Variants in TNFSF4 observed in about 807,000 individuals in gnomAD.
TNFSF4 encodes the protein tumor necrosis factor ligand superfamily member 4.
In TNFSF4, 4 loss-of-function variants were observed where a neutral mutation model predicts 7.3. The observed-to-expected ratio is 0.55, with a 90% CI of 0.27 to 1.25. TNFSF4 has a LOEUF of 1.25. Ranked by LOEUF, TNFSF4 falls within the 50% of genes most tolerant of loss-of-function variation. The pLI is 0.12. For synonymous variants in TNFSF4, 76 were observed against 83.7 expected (o/e 0.91, Z 0.50); for missense variants, 181 against 208.8 (o/e 0.87, Z 0.82).
At chr1:173,433,332 G>C in the TNFSF4 span, among the ~76,000 whole-genome samples, 1 of 152,086 alleles carries the variant, frequency 6.6e-6, no homozygotes, top group Non-Finnish European at 1.5e-5. Flanking sequence ...ATAGTCTTAA[G>C]GGTGGCAGCT....
At chr1:173,179,150 C>T (rs1441715777), downstream of TNFSF4, among the ~76,000 whole-genome samples, 1 of 152,086 alleles carries the variant, frequency 6.6e-6, no homozygotes, top group Non-Finnish European at 1.5e-5. Context: ...TAAGCCACTT[C>T]GTTCGTGGTA....
the TNFSF4 span, among the ~76,000 whole-genome samples, chr1:173,449,236 C>G: frequency 6.6e-6 from 1 of 152,160 alleles, no homozygotes; most frequent in East Asian, 1.9e-4. Context: ...GAGGCCTCTT[C>G]TGAAGCTGAT....
chr1:173,339,034 A>T, the TNFSF4 span, among the ~76,000 whole-genome samples: 2 of 152,044 alleles, frequency 1.3e-5, no homozygotes, highest in Admixed American at 1.3e-4. Context: ...AACATAATCC[A>T]CACGGGACTA....
chr1:173,193,768 CAAA>C (rs34461114), intron 1 of TNFSF4, among the ~76,000 whole-genome samples: 19 of 101,888 alleles, frequency 1.9e-4, no homozygotes, highest in East Asian at 4.2e-4. Flanking sequence ...ATAAGTGAAG[CAAA>C]AAAAAAAAAA....
chr1:173,345,860 A>C, the TNFSF4 span, among the ~76,000 whole-genome samples: 1 of 152,212 alleles, frequency 6.6e-6, no homozygotes, highest in Non-Finnish European at 1.5e-5. Context: ...GGGCCACCAG[A>C]TGGAGGAAGA....
chr1:173,183,404 A>T (rs1006069237), downstream of TNFSF4, among the ~76,000 whole-genome samples: 6 of 152,298 alleles, frequency 3.9e-5, no homozygotes, highest in East Asian at 1.2e-3. Flanking sequence ...AGCAGATGTA[A>T]TTACCACTTA....
At chr1:173,438,988 A>C in the TNFSF4 span, among the ~76,000 whole-genome samples, 1 of 152,246 alleles carries the variant, frequency 6.6e-6, no homozygotes, top group Non-Finnish European at 1.5e-5. Context: ...CCTATAAAAC[A>C]ATCTGAGACT....
chr1:173,295,290 A>G, the TNFSF4 span, among the ~76,000 whole-genome samples: 2 of 152,076 alleles, frequency 1.3e-5, no homozygotes, highest in African/African-American at 2.4e-5. Flanking sequence ...ATGTATGTTC[A>G]TAACAGCTTT....
chr1:173,272,763 G>C, the TNFSF4 span, among the ~76,000 whole-genome samples: 1 of 152,096 alleles, frequency 6.6e-6, no homozygotes, highest in Admixed American at 6.6e-5. Context: ...CTGCAAACTG[G>C]ACCACTTCCA....
At chr1:173,346,483 AC>A in the TNFSF4 span, among the ~76,000 whole-genome samples, 1 of 152,184 alleles carries the variant, frequency 6.6e-6, no homozygotes, top group African/African-American at 2.4e-5. Context: ...CATGTTCCCT[AC>A]CTGGAAGCTG....
At chr1:173,296,593 G>A in the TNFSF4 span, among the ~76,000 whole-genome samples, 2 of 151,884 alleles carry the variant, frequency 1.3e-5, no homozygotes, top group African/African-American at 4.8e-5. Flanking sequence ...TGCAAAGGGG[G>A]TTGAGTGAGG....
At chr1:173,355,456 C>A in the TNFSF4 span, among the ~76,000 whole-genome samples, 1 of 152,158 alleles carries the variant, frequency 6.6e-6, no homozygotes, top group Admixed American at 6.5e-5. Context: ...ACTTGTGAAC[C>A]TCTGTTCCCG....
At chr1:173,176,234 C>T in the TNFSF4 span, among the ~76,000 whole-genome samples, 1 of 151,522 alleles carries the variant, frequency 6.6e-6, no homozygotes, top group South Asian at 2.1e-4. Flanking sequence ...ATGGGCCCTT[C>T]GATAATTATT....
At chr1:173,354,022 A>C in the TNFSF4 span, among the ~76,000 whole-genome samples, 78 of 147,198 alleles carry the variant, frequency 5.3e-4, no homozygotes, top group African/African-American at 1.3e-3. Context: ...CACACACACA[A>C]AAAAAAAAAT....
the TNFSF4 span, among the ~76,000 whole-genome samples, chr1:173,444,543 A>C: frequency 6.6e-6 from 1 of 152,088 alleles, no homozygotes. Context: ...AAAACTTTCA[A>C]ATTTTCTGTA....
chr1:173,214,248 C>T, the TNFSF4 span, among the ~76,000 whole-genome samples: 6 of 152,326 alleles, frequency 3.9e-5, no homozygotes, highest in South Asian at 8.3e-4. Context: ...GATGAACTAA[C>T]TTGGCCAAGG....
the TNFSF4 span, among the ~76,000 whole-genome samples, chr1:173,367,334 T>C: frequency 6.6e-6 from 1 of 152,198 alleles, no homozygotes; most frequent in Non-Finnish European, 1.5e-5. Context: ...AACCTATCTC[T>C]TTGTGTTACA....
the TNFSF4 span, among the ~76,000 whole-genome samples, chr1:173,236,107 A>C: frequency 6.6e-6 from 1 of 152,140 alleles, no homozygotes; most frequent in African/African-American, 2.4e-5. Context: ...TCAGATCACA[A>C]ACTAATTACA....
chr1:173,260,210 T>TCCAAC, the TNFSF4 span, among the ~76,000 whole-genome samples: 12,946 of 152,016 alleles, frequency 0.085, 616 homozygotes, highest in Middle Eastern at 0.11. Context: ...GAAAAGAAAT[T>TCCAAC]CCAACCCAGA....
Sources: gnomAD v4.1 joint callset for allele counts (sites outside exome capture counted in the v4.1 genomes callset) on GRCh38, gnomAD v4.1.1 for gene constraint, MANE v1.5 for transcripts, NCBI Gene and HGNC (gene_info 2026-07-23, HGNC 2026-07-21) for gene names.